The following AGR3 variants were observed in gnomAD, a reference collection of about 807,000 sequenced individuals.
AGR3 encodes the protein anterior gradient 3, protein disulphide isomerase family member, also known as anterior gradient protein 3.
In AGR3, 37 loss-of-function variants were observed where a neutral mutation model predicts 24.5. The ratio of observed to expected loss-of-function variants is 1.51; its 90% CI spans 1.16 to 1.99. The LOEUF (loss-of-function observed/expected upper bound fraction) is 1.99, where lower values mean the gene tolerates loss of function less well. Ranked by LOEUF, AGR3 falls within the 30% of genes most tolerant of loss-of-function variation. The pLI is 0.00. For synonymous variants in AGR3, 75 were observed against 61.6 expected (o/e 1.22, Z -1.02); for missense variants, 228 against 191.1 (o/e 1.19, Z -1.14).
At chr7:16,858,815 G>A (rs544961836), downstream of AGR3, among the ~76,000 whole-genome samples, 58 of 152,276 alleles carry the variant, frequency 3.8e-4, no homozygotes, top group African/African-American at 1.4e-3. Context: ...GGGACGTGGA[G>A]GTTGCAGTGA....
chr7:16,862,735 A>G, intron 3 of AGR3, 73 bp from the exon 4 acceptor site: 1 of 1,027,108 alleles, frequency 9.7e-7, no homozygotes, highest in Non-Finnish European at 1.4e-6. Context: ...GTTAGATTTA[A>G]AATTTTATTA....
intron 3 of AGR3, among the ~76,000 whole-genome samples, chr7:16,870,072 C>T (rs1446967721): frequency 2.0e-5 from 3 of 151,880 alleles, no homozygotes; most frequent in East Asian, 1.9e-4. Context: ...ATATAATATG[C>T]ACTGCCATTG....
intron 1 of AGR3, among the ~76,000 whole-genome samples, chr7:16,880,557 T>G (rs57157115): frequency 1.8e-5 from 1 of 56,946 alleles, no homozygotes; most frequent in Non-Finnish European, 3.3e-5. Flanking sequence ...CTCCCCTCCT[T>G]TCCCCTCCTT....
chr7:16,875,067 A>G (rs1781958152), intron 2 of AGR3, among the ~76,000 whole-genome samples: 1 of 150,814 alleles, frequency 6.6e-6, no homozygotes, highest in Non-Finnish European at 1.5e-5. Flanking sequence ...GTGAGCCAAG[A>G]TTGCGCCACT....
At chr7:16,864,468 T>A in intron 3 of AGR3, 1 of 1,274,276 alleles carries the variant, frequency 7.8e-7, no homozygotes, top group Non-Finnish European at 1.1e-6. Context: ...GGGCTTCATC[T>A]CCACTGTCAG....
chr7:16,862,423 T>C (rs1781667893), intron 4 of AGR3, among the ~76,000 whole-genome samples, 187 bp downstream of exon 4: 1 of 152,192 alleles, frequency 6.6e-6, no homozygotes, highest in African/African-American at 2.4e-5. Flanking sequence ...AATAGAAATA[T>C]TCAGTAGATT....
chr7:16,854,836 G>A (rs1185067995), downstream of AGR3, among the ~76,000 whole-genome samples: 2 of 152,066 alleles, frequency 1.3e-5, no homozygotes, highest in African/African-American at 4.8e-5. Flanking sequence ...GCATTCCTTG[G>A]CTTCTGCTGC....
chr7:16,871,024 A>T (rs753314044), intron 3 of AGR3, among the ~76,000 whole-genome samples: 1 of 152,196 alleles, frequency 6.6e-6, no homozygotes, highest in East Asian at 1.9e-4. Flanking sequence ...TTTAAGAATA[A>T]AAATGGTATA....
At chr7:16,860,256 C>G (rs1170502710) in intron 7 of AGR3, among the ~76,000 whole-genome samples, 1 of 152,072 alleles carries the variant, frequency 6.6e-6, no homozygotes, top group Non-Finnish European at 1.5e-5. Flanking sequence ...TTAATGTGTA[C>G]TATATTCTTT....
At chr7:16,857,943 A>G (rs1781575968), downstream of AGR3, among the ~76,000 whole-genome samples, 1 of 152,138 alleles carries the variant, frequency 6.6e-6, no homozygotes, top group Non-Finnish European at 1.5e-5. Flanking sequence ...TGCTAAATGC[A>G]ATAAAATCCT....
intron 3 of AGR3, among the ~76,000 whole-genome samples, chr7:16,863,712 C>T (rs1228001821): frequency 6.6e-6 from 1 of 151,684 alleles, no homozygotes; most frequent in Admixed American, 6.6e-5. Flanking sequence ...CTTAGATATG[C>T]CACTGTTCTT....
chr7:16,870,747 CA>C (rs1222585525), intron 3 of AGR3, among the ~76,000 whole-genome samples: 1 of 152,168 alleles, frequency 6.6e-6, no homozygotes, highest in East Asian at 1.9e-4. Context: ...GGCTAAATCT[CA>C]ATTTGTCAGG....
At chr7:16,880,644 T>C (rs1782101448) in intron 1 of AGR3, among the ~76,000 whole-genome samples, 1 of 150,292 alleles carries the variant, frequency 6.7e-6, no homozygotes, top group African/African-American at 2.5e-5. Flanking sequence ...TAAACAATTA[T>C]CACGGTGCCT....
chr7:16,861,913 A>AAAG, intron 5 of AGR3, 71 bp downstream of exon 5: 1 of 1,398,468 alleles, frequency 7.2e-7, no homozygotes, highest in Non-Finnish European at 9.8e-7. Flanking sequence ...AAAAAAAAAA[A>AAAG]AAAAGAAAAA....
chr7:16,866,045 A>T, intron 3 of AGR3: 1 of 634,480 alleles, frequency 1.6e-6, no homozygotes. Flanking sequence ...CCCATGGTTC[A>T]TTTTCAGACA....
intron 2 of AGR3, among the ~76,000 whole-genome samples, chr7:16,877,861 T>TG (rs1236329685): frequency 2.1e-4 from 4 of 19,310 alleles, no homozygotes; most frequent in African/African-American, 5.4e-4. Flanking sequence ...AGACTCCGTC[T>TG]CAAAAAAAAA....
chr7:16,862,147 T>G, intron 4 of AGR3, 87 bp from the exon 5 acceptor site: 1 of 1,021,010 alleles, frequency 9.8e-7, no homozygotes, highest in South Asian at 1.4e-5. Flanking sequence ...ATATTTAGCA[T>G]TTGTTTGCAT....
downstream of AGR3, among the ~76,000 whole-genome samples, chr7:16,856,450 A>C (rs1028761770): frequency 3.9e-5 from 6 of 152,204 alleles, no homozygotes; most frequent in Admixed American, 1.3e-4. Context: ...AATATCACAT[A>C]AATAACCAAT....
At chr7:16,857,770 C>A (rs1321224651), downstream of AGR3, among the ~76,000 whole-genome samples, 1 of 152,152 alleles carries the variant, frequency 6.6e-6, no homozygotes, top group African/African-American at 2.4e-5. Context: ...CAATTTACTA[C>A]AAGCTTGCTT....
Sources: gnomAD v4.1 joint callset for allele counts (sites outside exome capture counted in the v4.1 genomes callset) on GRCh38, gnomAD v4.1.1 for gene constraint, MANE v1.5 for transcripts, NCBI Gene and HGNC (gene_info 2026-07-23, HGNC 2026-07-21) for gene names.